The following ST6GALNAC5 variants were observed in gnomAD, a reference collection of about 807,000 sequenced individuals.
ST6GALNAC5 encodes alpha-N-acetylgalactosaminide alpha-2,6-sialyltransferase 5.
ST6GALNAC5 carries 27 observed loss-of-function variants against 33.6 expected under a neutral mutation model. That is an observed-to-expected ratio of 0.80 (90% CI 0.59 to 1.11). The LOEUF (loss-of-function observed/expected upper bound fraction) is 1.11. Among genes scored for constraint, ST6GALNAC5 ranks in the 50% least tolerant of loss-of-function variants. ST6GALNAC5 has a pLI of 0.00. For synonymous variants in ST6GALNAC5, 194 were observed against 171.2 expected, an observed-to-expected ratio of 1.13 and a Z score of -1.04; for missense variants, 428 against 454.0, an observed-to-expected ratio of 0.94 and a Z score of 0.52.
chr1:76,989,082 C>T (rs2100393122), intron 2 of ST6GALNAC5, among the ~76,000 whole-genome samples: 1 of 152,186 alleles, frequency 6.6e-6, no homozygotes, highest in South Asian at 2.1e-4. Flanking sequence ...CTAGTCTTTT[C>T]ACCTGTCTGC....
At chr1:76,871,581 GT>G (rs200161914) in intron 2 of ST6GALNAC5, among the ~76,000 whole-genome samples, 2,063 of 152,264 alleles carry the variant, frequency 0.014, 47 homozygotes, top group African/African-American at 0.047. Context: ...TGATGGTCTT[GT>G]CTCATATGGC....
At chr1:76,965,576 T>C (rs1369070328) in intron 2 of ST6GALNAC5, among the ~76,000 whole-genome samples, 5 of 152,194 alleles carry the variant, frequency 3.3e-5, no homozygotes, top group Non-Finnish European at 7.3e-5. Flanking sequence ...ACTCTGACAG[T>C]AGTTTCTTTT....
chr1:76,978,548 C>T (rs1649119297), intron 2 of ST6GALNAC5, among the ~76,000 whole-genome samples: 2 of 152,164 alleles, frequency 1.3e-5, no homozygotes, highest in South Asian at 4.1e-4. Context: ...TTAATAGATG[C>T]TGAAAAAGCA....
chr1:76,995,102 A>AT (rs1180388475), intron 2 of ST6GALNAC5, among the ~76,000 whole-genome samples: 1 of 152,200 alleles, frequency 6.6e-6, no homozygotes, highest in Non-Finnish European at 1.5e-5. Flanking sequence ...ATTATATAAA[A>AT]TTTAATATGT....
intron 2 of ST6GALNAC5, among the ~76,000 whole-genome samples, chr1:77,031,661 A>G (rs139474441): frequency 3.3e-5 from 5 of 152,346 alleles, no homozygotes; most frequent in Non-Finnish European, 7.4e-5. Flanking sequence ...CTCTTGCTCT[A>G]TACTCAAGCA....
intron 2 of ST6GALNAC5, among the ~76,000 whole-genome samples, chr1:76,954,189 T>G (rs1275288490): frequency 6.6e-6 from 1 of 152,158 alleles, no homozygotes; most frequent in Admixed American, 6.6e-5. Flanking sequence ...CATGGAATAC[T>G]GTGCAGCCTT....
chr1:76,969,376 T>A (rs1191194058), intron 2 of ST6GALNAC5, among the ~76,000 whole-genome samples: 2 of 152,160 alleles, frequency 1.3e-5, no homozygotes, highest in Non-Finnish European at 2.9e-5. Flanking sequence ...GGAGATTATA[T>A]CCCATGCCGG....
intron 2 of ST6GALNAC5, among the ~76,000 whole-genome samples, chr1:76,928,642 G>A (rs1647108095): frequency 6.6e-6 from 1 of 152,106 alleles, no homozygotes; most frequent in South Asian, 2.1e-4. Flanking sequence ...CAATAAGTGA[G>A]AAGGGTGCCT....
At chr1:76,997,697 G>A (rs1649990738) in intron 2 of ST6GALNAC5, among the ~76,000 whole-genome samples, 1 of 152,114 alleles carries the variant, frequency 6.6e-6, no homozygotes. Flanking sequence ...CTAGATTGAA[G>A]CTAGCATAAA....
chr1:76,969,792 C>T lies in ST6GALNAC5; in HGVS notation c.262-74412C>T, dbSNP rs11162239. Among the ~76,000 whole-genome samples, 1,029 of 152,234 alleles carry T rather than the reference C, an allele frequency of 6.8e-3. 15 individuals carry two copies. The highest frequency in any genetic ancestry group is 0.02 in the African/African-American group (824 of 41,554). On this transcript the variant is annotated intron_variant, in intron 2 of 4. Transcript: ENST00000477717. Reference sequence around the variant, plus strand: ...TCCCAGTAGTGGCCGACTGACACCTCATACAGGCAGGTGCCCCTCTGGGAC... The same window carrying T: ...TCCCAGTAGTGGCCGACTGACACCTTATACAGGCAGGTGCCCCTCTGGGAC...
intron 2 of ST6GALNAC5, 144 bp from the exon 3 acceptor site, chr1:77,044,060 A>G: frequency 2.1e-6 from 2 of 938,544 alleles, no homozygotes; most frequent in Non-Finnish European, 3.1e-6. Flanking sequence ...CCATAAAGTA[A>G]TAGCAGAAGG....
intron 2 of ST6GALNAC5, among the ~76,000 whole-genome samples, chr1:76,900,270 C>A (rs961305549): frequency 6.6e-6 from 1 of 151,930 alleles, no homozygotes; most frequent in Non-Finnish European, 1.5e-5. Context: ...CAGGAACAGG[C>A]CATTTTCACT....
At chr1:77,043,804 G>T (rs2100461574) in intron 2 of ST6GALNAC5, among the ~76,000 whole-genome samples, 1 of 152,296 alleles carries the variant, frequency 6.6e-6, no homozygotes, top group East Asian at 1.9e-4. Context: ...AGTTTTGAAA[G>T]CCGGAAGCAC....
rs151249844 is a variant in ST6GALNAC5 at position 76,991,818 on chromosome 1, C to G, written c.262-52386C>G. Among the ~76,000 whole-genome samples, 190 of 146,422 alleles carry G rather than the reference C, an allele frequency of 1.3e-3. 3 individuals are homozygous for G. The highest frequency in any genetic ancestry group is 4.4e-3 in the African/African-American group (165 of 37,354). On this transcript the variant is annotated intron_variant, in intron 2 of 4. Coordinates refer to ENST00000477717, the MANE Select transcript of ST6GALNAC5 (RefSeq NM_030965.3). ...CATTATCTTAAGCATTCCCAAACAA[C>G]CTTCTAACTCACGCGTGTGCGCACA...
intron 2 of ST6GALNAC5, among the ~76,000 whole-genome samples, chr1:76,900,381 C>A (rs1646806347): frequency 6.6e-6 from 1 of 151,856 alleles, no homozygotes; most frequent in African/African-American, 2.4e-5. Flanking sequence ...GGCTCAGAGG[C>A]CTGACATTAT....
At chr1:77,016,418 A>G (rs754851453) in intron 2 of ST6GALNAC5, among the ~76,000 whole-genome samples, 1 of 151,878 alleles carries the variant, frequency 6.6e-6, no homozygotes, top group Non-Finnish European at 1.5e-5. Flanking sequence ...TTTATGGAGT[A>G]TGTGTGCTAT....
chr1:76,965,937 G>C (rs140913219), intron 2 of ST6GALNAC5, among the ~76,000 whole-genome samples: 4,411 of 152,242 alleles, frequency 0.029, 90 homozygotes, highest in Admixed American at 0.055. Context: ...TGTTATTTCT[G>C]AGGCCTCTGT....
chr1:77,012,109 G>A (rs6693427), intron 2 of ST6GALNAC5, among the ~76,000 whole-genome samples: 27,338 of 152,054 alleles, frequency 0.18, 2,966 homozygotes, highest in South Asian at 0.3. Flanking sequence ...GATCCAAGTG[G>A]CCTGAAGCTT....
intron 2 of ST6GALNAC5, among the ~76,000 whole-genome samples, chr1:76,922,345 A>G (rs965399463): frequency 1.3e-5 from 2 of 152,224 alleles, no homozygotes; most frequent in South Asian, 2.1e-4. Flanking sequence ...ACAAAATGCC[A>G]TAAGAGAAAT....
Sources: allele counts gnomAD v4.1 joint callset (sites outside exome capture counted in the v4.1 genomes callset), GRCh38; gene constraint gnomAD v4.1.1; transcripts MANE v1.5; gene names NCBI Gene and HGNC (gene_info 2026-07-23, HGNC 2026-07-21).